The following KDM4C variants were observed in gnomAD, a reference collection of about 807,000 sequenced individuals.
KDM4C encodes the protein lysine demethylase 4C.
In KDM4C, 81 loss-of-function variants were observed where a neutral mutation model predicts 129.3. That is an observed-to-expected ratio of 0.63 (90% CI 0.52 to 0.75). The LOEUF is 0.75. Ranked by LOEUF, KDM4C falls within the 30% of genes least tolerant of loss-of-function variation. The pLI, the probability that KDM4C is intolerant of heterozygous loss-of-function variation, is 0.00. For synonymous variants in KDM4C, 573 were observed against 456.1 expected (o/e 1.26, Z -3.26); for missense variants, 1,457 against 1,304.0 (o/e 1.12, Z -1.81).
chr9:6,928,190 A>G (rs1195522136), intron 8 of KDM4C, among the ~76,000 whole-genome samples: 1 of 152,054 alleles, frequency 6.6e-6, no homozygotes, highest in Admixed American at 6.5e-5. Flanking sequence ...CTTGCAACAC[A>G]TTCTTCTCAT....
intron 17 of KDM4C, 89 bp from the exon 18 acceptor site, chr9:7,103,596 C>A: frequency 3.2e-3 from 1,139 of 354,974 alleles, no homozygotes; most frequent in East Asian, 4.3e-3. Context: ...TTTTTTTTTT[C>A]TTCTCTAGTA....
intron 3 of KDM4C, among the ~76,000 whole-genome samples, chr9:6,813,658 A>G (rs1831568681): frequency 6.6e-6 from 1 of 152,140 alleles, no homozygotes; most frequent in South Asian, 2.1e-4. Flanking sequence ...AAACATTGGT[A>G]TTCCTTTTAT....
At chr9:7,017,666 A>G (rs1178365605) in intron 15 of KDM4C, among the ~76,000 whole-genome samples, 1 of 152,210 alleles carries the variant, frequency 6.6e-6, no homozygotes, top group African/African-American at 2.4e-5. Context: ...TCAGCAGTGT[A>G]TGCCTCACTC....
intron 8 of KDM4C, among the ~76,000 whole-genome samples, chr9:6,897,117 G>A (rs1244719469): frequency 6.6e-6 from 1 of 152,170 alleles, no homozygotes; most frequent in Non-Finnish European, 1.5e-5. Flanking sequence ...CTGTCCCTGT[G>A]CGTAAATTCT....
At chr9:7,162,996 C>G (rs555496179) in intron 19 of KDM4C, among the ~76,000 whole-genome samples, 1 of 152,162 alleles carries the variant, frequency 6.6e-6, no homozygotes, top group Admixed American at 6.5e-5. Flanking sequence ...TGTTGGCAAA[C>G]AGGTTTCAAA....
chr9:6,735,448 C>T (rs1817497945), intron 1 of KDM4C, among the ~76,000 whole-genome samples: 1 of 152,188 alleles, frequency 6.6e-6, no homozygotes, highest in Non-Finnish European at 1.5e-5. Context: ...TTGTAACTCC[C>T]ATAATTCCCA....
chr9:6,986,308 G>A (rs779361720), intron 10 of KDM4C, 36 bp from the exon 11 acceptor site: 6 of 1,420,602 alleles, frequency 4.2e-6, no homozygotes, highest in Middle Eastern at 2.0e-4. Context: ...GTAATACAGT[G>A]CATGATTTAT....
At chr9:7,044,760 G>A (rs1372909197) in intron 15 of KDM4C, among the ~76,000 whole-genome samples, 1 of 151,778 alleles carries the variant, frequency 6.6e-6, no homozygotes, top group Non-Finnish European at 1.5e-5. Context: ...GAGAGTGATC[G>A]GAATCAGGGT....
intron 18 of KDM4C, among the ~76,000 whole-genome samples, chr9:7,113,385 G>A (rs1380458878): frequency 6.6e-6 from 1 of 152,148 alleles, no homozygotes; most frequent in Admixed American, 6.5e-5. Flanking sequence ...ACATTATCAG[G>A]TAAAGCCAGA....
At chr9:6,837,689 T>C (rs1183014845) in intron 4 of KDM4C, among the ~76,000 whole-genome samples, 1 of 152,220 alleles carries the variant, frequency 6.6e-6, no homozygotes, top group Non-Finnish European at 1.5e-5. Flanking sequence ...CTTTTGGCTT[T>C]TTCTTTATTT....
chr9:6,984,030 A>T, intron 9 of KDM4C, 136 bp from the exon 10 acceptor site: 1 of 591,978 alleles, frequency 1.7e-6, no homozygotes, highest in Non-Finnish European at 3.0e-6. Flanking sequence ...TCAGTTGTGA[A>T]CATTGACTTG....
At position 7,033,195 on chromosome 9, in the gene KDM4C, G is replaced by C. The variant is rs192498372; in HGVS notation, c.2260-13667G>C. On this transcript the variant is annotated intron_variant, in intron 15 of 21. Transcript: ENST00000381309. ...GGATACTGTCAAGACCAGGTGATGA[G>C]AGGCTGTCAGCCTGCAAGGCCGACT... Among the ~76,000 whole-genome samples the C allele has an allele frequency of 6.7e-4, 101 of 151,160 alleles. 3 individuals carry two copies. In the East Asian group the frequency reaches 0.017, roughly 26 times the overall value.
At chr9:6,813,110 G>C (rs1435438221) in intron 3 of KDM4C, among the ~76,000 whole-genome samples, 2 of 152,070 alleles carry the variant, frequency 1.3e-5, no homozygotes, top group Non-Finnish European at 2.9e-5. Flanking sequence ...GGGAGGCGGA[G>C]GTTTCAGTGA....
chr9:6,778,941 T>G (rs1164936829), intron 1 of KDM4C, among the ~76,000 whole-genome samples: 1 of 151,654 alleles, frequency 6.6e-6, no homozygotes, highest in African/African-American at 2.4e-5. Flanking sequence ...AAGCTGGTCT[T>G]TAACTCCTGA....
chr9:6,941,466 A>G (rs555486916), intron 8 of KDM4C: 1 of 152,338 alleles, frequency 6.6e-6, no homozygotes, highest in South Asian at 2.1e-4. Context: ...ATTATCCTAA[A>G]TTAAATGAAA....
intron 7 of KDM4C, among the ~76,000 whole-genome samples, chr9:6,890,924 T>G (rs1022553616): frequency 6.6e-6 from 1 of 152,246 alleles, no homozygotes; most frequent in African/African-American, 2.4e-5. Flanking sequence ...GGTAAGCCTG[T>G]CTCTGCTGCC....
At chr9:7,069,314 A>G (rs777914378) in intron 17 of KDM4C, among the ~76,000 whole-genome samples, 5 of 152,254 alleles carry the variant, frequency 3.3e-5, no homozygotes, top group Non-Finnish European at 7.3e-5. Flanking sequence ...CACGTGGAAC[A>G]CATTTTCTCA....
intron 19 of KDM4C, among the ~76,000 whole-genome samples, chr9:7,155,368 T>A (rs528909417): frequency 5.3e-5 from 8 of 152,270 alleles, no homozygotes; most frequent in East Asian, 1.9e-4. Context: ...TATTTTTTTT[T>A]AAATTATACT....
At chr9:6,907,331 C>A (rs1299448317) in intron 8 of KDM4C, among the ~76,000 whole-genome samples, 1 of 152,098 alleles carries the variant, frequency 6.6e-6, no homozygotes, top group Non-Finnish European at 1.5e-5. Context: ...GACAGGCAAA[C>A]CCTCATCTTT....
Sources: allele counts gnomAD v4.1 joint callset (sites outside exome capture counted in the v4.1 genomes callset), GRCh38; gene constraint gnomAD v4.1.1; transcripts MANE v1.5; gene names NCBI Gene and HGNC (gene_info 2026-07-23, HGNC 2026-07-21).